The following DPRX variants were observed in gnomAD, a reference collection of about 807,000 sequenced individuals.
The protein encoded by DPRX is divergent paired-related homeobox.
In DPRX, 11 loss-of-function variants were observed where a neutral mutation model predicts 8.4. The ratio of observed to expected loss-of-function variants is 1.31; its 90% confidence interval spans 0.82 to 2.17. The LOEUF is 2.17. Among genes scored for constraint, DPRX ranks in the 30% most tolerant of loss-of-function variants. The pLI is 0.00. For missense variants in DPRX, 211 were observed against 236.7 expected, an observed-to-expected ratio of 0.89 and a Z score of 0.71; for synonymous variants, 72 against 87.0, an observed-to-expected ratio of 0.83 and a Z score of 0.96.
At chr19:53,626,435 C>T in the DPRX span, among the ~76,000 whole-genome samples, 1 of 152,134 alleles carries the variant, frequency 6.6e-6, no homozygotes, top group African/African-American at 2.4e-5. Flanking sequence ...GTGGCAGGCA[C>T]CCTAGTCCCA....
At chr19:53,632,369 C>T (rs1383959354) in intron 1 of DPRX, among the ~76,000 whole-genome samples, 2 of 152,060 alleles carry the variant, frequency 1.3e-5, no homozygotes, top group African/African-American at 2.4e-5. Flanking sequence ...GGCACGATTT[C>T]GGCTCACTGC....
At chr19:53,623,840 C>A in the DPRX span, among the ~76,000 whole-genome samples, 2 of 151,452 alleles carry the variant, frequency 1.3e-5, no homozygotes, top group African/African-American at 4.8e-5. Flanking sequence ...ATCCCAGTTA[C>A]TCAGGAGGCT....
At chr19:53,610,978 A>G in the DPRX span, among the ~76,000 whole-genome samples, 9 of 151,478 alleles carry the variant, frequency 5.9e-5, no homozygotes, top group African/African-American at 2.2e-4. Context: ...TCTCGGCTCA[A>G]TGAAACCTCC....
At chr19:53,632,240 T>C in intron 1 of DPRX, 106 bp downstream of exon 1, 1 of 1,441,678 alleles carries the variant, frequency 6.9e-7, no homozygotes, top group Middle Eastern at 1.8e-4. Flanking sequence ...TGGTGCTTCG[T>C]CCACGTGGGT....
At chr19:53,610,934 G>A in the DPRX span, among the ~76,000 whole-genome samples, 2 of 152,052 alleles carry the variant, frequency 1.3e-5, no homozygotes, top group Non-Finnish European at 2.9e-5. Flanking sequence ...ATGGAGTCTC[G>A]CTCTGTCTCC....
chr19:53,629,538 G>A (rs181238240), upstream of DPRX, among the ~76,000 whole-genome samples: 282 of 131,604 alleles, frequency 2.1e-3, no homozygotes, highest in African/African-American at 6.8e-3. Flanking sequence ...CACTGTGTCC[G>A]GCCTATGATT....
At chr19:53,618,451 T>A in the DPRX span, among the ~76,000 whole-genome samples, 1 of 151,322 alleles carries the variant, frequency 6.6e-6, no homozygotes, top group Non-Finnish European at 1.5e-5. Context: ...AAATACTAAT[T>A]AAAAAACAAA....
chr19:53,623,794 T>C, the DPRX span, among the ~76,000 whole-genome samples: 1 of 151,386 alleles, frequency 6.6e-6, no homozygotes, highest in Non-Finnish European at 1.5e-5. Context: ...CTACTAAAAA[T>C]ACACAATTAG....
the DPRX span, chr19:53,601,857 G>C: frequency 2.7e-5 from 10 of 367,920 alleles, no homozygotes; most frequent in South Asian, 2.0e-4. Flanking sequence ...ATATGTGGGG[G>C]CTGGAGGGGG....
At chr19:53,636,143 G>A (rs1167125387) in intron 2 of DPRX, among the ~76,000 whole-genome samples, 3 of 152,002 alleles carry the variant, frequency 2.0e-5, no homozygotes, top group Non-Finnish European at 2.9e-5. Context: ...CGAGGTGGGC[G>A]GATCATGAGG....
At chr19:53,613,514 A>AT in the DPRX span, among the ~76,000 whole-genome samples, 970 of 139,322 alleles carry the variant, frequency 7.0e-3, 7 homozygotes, top group African/African-American at 0.015. Context: ...TGCCCCGCTA[A>AT]TTTTTTTTTT....
chr19:53,625,126 C>T, the DPRX span, among the ~76,000 whole-genome samples: 2 of 150,486 alleles, frequency 1.3e-5, no homozygotes, highest in Admixed American at 1.3e-4. Context: ...GCAGTGGCAC[C>T]ACCATAGCTC....
chr19:53,617,498 C>T, the DPRX span, among the ~76,000 whole-genome samples: 222 of 143,828 alleles, frequency 1.5e-3, no homozygotes, highest in African/African-American at 5.5e-3. Context: ...GCAGAGGATG[C>T]GGTGAGCCGA....
At chr19:53,601,912 C>T in the DPRX span, 4 of 401,890 alleles carry the variant, frequency 1.0e-5, no homozygotes, top group Non-Finnish European at 4.9e-6. Flanking sequence ...CCCTTTTTAC[C>T]CCTGGTCCCG....
the DPRX span, among the ~76,000 whole-genome samples, chr19:53,618,160 G>GA: frequency 1.0e-4 from 15 of 149,750 alleles, no homozygotes; most frequent in South Asian, 2.1e-4. Context: ...AAAAAAGAAA[G>GA]AAAGAAAGAA....
At chr19:53,605,585 T>C in the DPRX span, among the ~76,000 whole-genome samples, 55 of 152,140 alleles carry the variant, frequency 3.6e-4, no homozygotes, top group African/African-American at 1.3e-3. Context: ...TGCCTTGGCC[T>C]CCCAAAGTAC....
At chr19:53,621,831 C>T in the DPRX span, among the ~76,000 whole-genome samples, 1 of 152,050 alleles carries the variant, frequency 6.6e-6, no homozygotes, top group East Asian at 1.9e-4. Flanking sequence ...AGTTTCTGCA[C>T]ATTCTTAGGC....
the DPRX span, among the ~76,000 whole-genome samples, chr19:53,611,546 T>C: frequency 6.6e-6 from 1 of 151,934 alleles, no homozygotes; most frequent in South Asian, 2.1e-4. Context: ...ATATTTATGG[T>C]GGAAATAAGG....
At chr19:53,633,518 T>C (rs1338115308) in intron 1 of DPRX, among the ~76,000 whole-genome samples, 2 of 152,016 alleles carry the variant, frequency 1.3e-5, no homozygotes, top group South Asian at 2.1e-4. Flanking sequence ...TTTATTTATT[T>C]ATTATTTTCT....
Sources: allele counts gnomAD v4.1 joint callset (sites outside exome capture counted in the v4.1 genomes callset), GRCh38; gene constraint gnomAD v4.1.1; transcripts MANE v1.5; gene names NCBI Gene and HGNC (gene_info 2026-07-23, HGNC 2026-07-21).